ARGFX: variants seen among roughly 807,000 people sequenced by gnomAD.
ARGFX encodes arginine-fifty homeobox.
Under a neutral mutation model 8.0 loss-of-function variants are expected in ARGFX, and 10 were observed. The observed-to-expected ratio is 1.25, with a 90% CI of 0.77 to 2.12. The LOEUF is 2.12. Ranked by LOEUF, ARGFX falls within the 30% of genes most tolerant of loss-of-function variation. ARGFX has a pLI of 0.00. For missense variants in ARGFX, 282 were observed against 324.3 expected, an observed-to-expected ratio of 0.87 and a Z score of 1.00; for synonymous variants, 116 against 117.8, an observed-to-expected ratio of 0.98 and a Z score of 0.10.
intron 4 of ARGFX, among the ~76,000 whole-genome samples, chr3:121,585,398 TAG>T (rs2048806120): frequency 6.6e-6 from 1 of 152,196 alleles, no homozygotes; most frequent in South Asian, 2.1e-4. Flanking sequence ...ACTCCTCGCT[TAG>T]AGTCTTTTTA....
intron 2 of ARGFX, among the ~76,000 whole-genome samples, chr3:121,575,452 G>A (rs181170997): frequency 4.8e-4 from 73 of 152,310 alleles, no homozygotes; most frequent in African/African-American, 1.7e-3. Context: ...CAGAATATGA[G>A]CTCTTTTCGC....
At chr3:121,578,698 T>A (rs2048759131) in intron 3 of ARGFX, among the ~76,000 whole-genome samples, 1 of 149,872 alleles carries the variant, frequency 6.7e-6, no homozygotes, top group African/African-American at 2.5e-5. Flanking sequence ...TTAAACAGAG[T>A]CTCGCTCTGT....
At chr3:121,582,943 C>G (rs1329690627) in intron 3 of ARGFX, among the ~76,000 whole-genome samples, 1 of 151,658 alleles carries the variant, frequency 6.6e-6, no homozygotes, top group Admixed American at 6.6e-5. Context: ...TGGCCTCAAG[C>G]AATTTTCCTG....
chr3:121,587,746 C>T lies in ARGFX; in HGVS notation c.*1146C>T, dbSNP rs141916184. Reference sequence around the variant, plus strand: ...CCATCTTGGCTCACTGCAGCCTCTGCCTCCTGGGCTCAAACAGTCCTCCCA... The same window carrying T: ...CCATCTTGGCTCACTGCAGCCTCTGTCTCCTGGGCTCAAACAGTCCTCCCA... On this transcript the variant is annotated 3_prime_UTR_variant, in exon 5 of 5. Transcript: ENST00000334384. Among the ~76,000 whole-genome samples the T allele has an allele frequency of 9.5e-3, 1,453 of 152,218 alleles. 21 individuals are homozygous for T. Among genetic ancestry groups the T allele is most frequent in the African/African-American group, 0.033 (1,367 of 41,540 alleles).
chr3:121,587,887 T>C lies in ARGFX; in HGVS notation c.*1287T>C, dbSNP rs2048821354. On this transcript the variant is annotated 3_prime_UTR_variant, in exon 5 of 5. Coordinates refer to ENST00000334384, the MANE Select transcript of ARGFX (RefSeq NM_001012659.2). ...TTGCCCAGGCTGAATTTGGGTTTTT[T>C]TAAAATGAGACTTTCAGTCCTAATT... Among the ~76,000 whole-genome samples, 5 of 152,054 alleles carry C rather than the reference T, an allele frequency of 3.3e-5. No individual in the cohort carries two copies. In the South Asian group the frequency reaches 8.3e-4, roughly 25 times the overall value.
intron 3 of ARGFX, among the ~76,000 whole-genome samples, chr3:121,578,890 G>T (rs1183216418): frequency 1.3e-5 from 2 of 151,366 alleles, no homozygotes; most frequent in African/African-American, 4.9e-5. Flanking sequence ...TGTTAGACAG[G>T]ATGGTCTTGT....
chr3:121,573,384 G>C (rs762024502), intron 2 of ARGFX, among the ~76,000 whole-genome samples: 1 of 152,000 alleles, frequency 6.6e-6, no homozygotes, highest in Admixed American at 6.6e-5. Context: ...GGGAGGCTGC[G>C]GTGGGAGAAT....
intron 2 of ARGFX, among the ~76,000 whole-genome samples, chr3:121,573,488 A>G (rs1469430813): frequency 7.1e-6 from 1 of 141,840 alleles, no homozygotes; most frequent in African/African-American, 3.0e-5. Flanking sequence ...CTCAAAAAAG[A>G]AAAAAAAAAG....
In ARGFX at chr3:121,586,004, C is replaced by T. The variant is rs1258329142; in HGVS notation, c.370-18C>T. On this transcript the variant is annotated intron_variant, in intron 4 of 4. Transcript: ENST00000334384. ...TCCAATAACAGACCACAATCTCCCCCTCTTCCCCTACTCCCAGGTTTGGTT... is the reference window on the plus strand; with the variant it reads ...TCCAATAACAGACCACAATCTCCCCTTCTTCCCCTACTCCCAGGTTTGGTT... 6.4e-7 allele frequency: 1 copy of T among 1,552,560 alleles called. No homozygotes were observed. Among genetic ancestry groups the T allele is most frequent in the Non-Finnish European group, 8.7e-7 (1 of 1,153,086 alleles).
Position 121,577,259 on chromosome 3 carries a change from A to ATATATATAT in ARGFX, c.220+360_220+361insATATATATT, listed in dbSNP as rs1403064031. 3.3e-3 allele frequency among the ~76,000 whole-genome samples: 194 copies of ATATATATAT among 59,446 alleles called. 1 individual carries two copies. Among genetic ancestry groups the ATATATATAT allele is most frequent in the African/African-American group, 9.9e-3 (158 of 15,936 alleles). 39.0% of individuals were successfully genotyped at this position (59,446 alleles called of 152,430 possible). ...TATATATATATATATATATATATAT[A>ATATATATAT]TTTTTTTTTTTTTAAATGGAGTCTC... On this transcript the variant is annotated intron_variant, in intron 3 of 4. Transcript: ENST00000334384.
In ARGFX at chr3:121,579,940, C is replaced by CTT. The variant is rs1204013765; in HGVS notation, c.220+3043_220+3044dup. Among the ~76,000 whole-genome samples, 10 of 43,242 alleles carry CTT rather than the reference C, an allele frequency of 2.3e-4. 1 individual carries two copies. The highest frequency in any genetic ancestry group is 5.3e-4 in the African/African-American group (6 of 11,346). 28.4% of individuals were successfully genotyped at this position (43,242 alleles called of 152,430 possible). On this transcript the variant is annotated intron_variant, in intron 3 of 4. Coordinates refer to ENST00000334384, the MANE Select transcript of ARGFX (RefSeq NM_001012659.2). Reference sequence around the variant, plus strand: ...TCTTTCTTTCTTTTTCTTTTCTTTTCTTTTCTTTTTTTTTTTTTTTTTTTT... The same window carrying CTT: ...TCTTTCTTTCTTTTTCTTTTCTTTTCTTTTTTCTTTTTTTTTTTTTTTTTTTT...
chr3:121,585,106 C>T (rs777136073), intron 4 of ARGFX, 41 bp downstream of exon 4: 1 of 1,603,922 alleles, frequency 6.2e-7, no homozygotes, highest in Non-Finnish European at 8.5e-7. Flanking sequence ...CCATCCAAGC[C>T]ACATTCACCT....
chr3:121,578,831 CA>C (rs2048759843), intron 3 of ARGFX, among the ~76,000 whole-genome samples: 1 of 132,288 alleles, frequency 7.6e-6, no homozygotes, highest in African/African-American at 2.8e-5. Context: ...CCACCACACC[CA>C]GCTATTTTTT....
At position 121,585,062 on chromosome 3, in the gene ARGFX, A is replaced by G. The variant is rs774593945; in HGVS notation, c.366A>G (p.Val122=). The G allele has an allele frequency of 2.5e-6, 4 of 1,613,912 alleles. No homozygotes were observed. The East Asian group carries it at 8.9e-5, about 36-fold the overall frequency. ...ALRLDLPEST[V]KVWFRNRRFK... is the part of the protein sequence containing the mutation. Reference sequence around the variant, plus strand: ...GACTCGACCTACCGGAGTCAACAGTAAAGGTCTGATCCCCTGTGGTGTGCT... The same window carrying G: ...GACTCGACCTACCGGAGTCAACAGTGAAGGTCTGATCCCCTGTGGTGTGCT... The change falls in exon 4 of 5, where the codon GTA becomes GTG. Residue 122 remains valine, a synonymous_variant. Coordinates refer to ENST00000334384, the MANE Select transcript of ARGFX (RefSeq NM_001012659.2).
chr3:121,570,901 A>C (rs2048704598), intron 2 of ARGFX, 85 bp downstream of exon 2: 2 of 922,796 alleles, frequency 2.2e-6, no homozygotes, highest in South Asian at 4.9e-5. Context: ...CATTTGTTTT[A>C]AGGCAGCTAT....
At chr3:121,569,639 T>G (rs1252861948) in intron 1 of ARGFX, among the ~76,000 whole-genome samples, 2 of 152,210 alleles carry the variant, frequency 1.3e-5, no homozygotes, top group Admixed American at 6.5e-5. Flanking sequence ...GTGCTGAGAT[T>G]ACAGGCGTGA....
intron 2 of ARGFX, among the ~76,000 whole-genome samples, chr3:121,575,038 G>A (rs767848640): frequency 2.0e-5 from 3 of 152,220 alleles, no homozygotes; most frequent in Admixed American, 6.5e-5. Flanking sequence ...CTACAAGCCA[G>A]GCCAGGTGCA....
Position 121,590,439 on chromosome 3 carries a change from CA to C in ARGFX, c.*3843del, listed in dbSNP as rs1365249426. ...GGATGAGTTCGGCCTTCTTCTTCCCCAAAATCTTTATCCCCACCCCCACCTC... is the reference window on the plus strand; with the variant it reads ...GGATGAGTTCGGCCTTCTTCTTCCCCAAATCTTTATCCCCACCCCCACCTC... On this transcript the variant is annotated 3_prime_UTR_variant, in exon 5 of 5. Coordinates refer to ENST00000334384, the MANE Select transcript of ARGFX (RefSeq NM_001012659.2). Among the ~76,000 whole-genome samples the C allele has an allele frequency of 2.0e-5, 3 of 152,172 alleles. No homozygotes were observed. Among genetic ancestry groups the C allele is most frequent in the East Asian group, 3.9e-4 (2 of 5,182 alleles).
rs1376020870 is a variant in ARGFX at position 121,586,137 on chromosome 3, C to A, written c.485C>A (p.Ser162Tyr). The change falls in exon 5 of 5, where the codon TCC becomes TAC. Residue 162 changes from serine (S) to tyrosine (Y), a missense_variant. Coordinates refer to ENST00000334384, the MANE Select transcript of ARGFX (RefSeq NM_001012659.2). ...AATGTGCCCACCTCCCCCAGAACAT[C>A]CCCCAGTCCTTATGCTTTTTCTCCT... ...KKNVPTSPRT[S>Y]PSPYAFSPVI... is the part of the protein sequence containing the mutation. 2.5e-6 allele frequency: 4 copies of A among 1,613,714 alleles called. No individual in the cohort carries two copies. The highest frequency in any genetic ancestry group is 2.7e-5 in the African/African-American group (2 of 74,892).
Sources: gnomAD v4.1 joint callset for allele counts (sites outside exome capture counted in the v4.1 genomes callset) on GRCh38, gnomAD v4.1.1 for gene constraint, MANE v1.5 for transcripts, NCBI Gene and HGNC (gene_info 2026-07-23, HGNC 2026-07-21) for gene names.